Variants in CIT observed in about 807,000 individuals in gnomAD.
CIT encodes the protein citron rho-interacting serine/threonine kinase.
A neutral mutation model predicts 272.7 loss-of-function variants in CIT; 79 were observed. That is an observed-to-expected ratio of 0.29 (90% CI 0.24 to 0.35). The LOEUF (loss-of-function observed/expected upper bound fraction) is 0.35, where lower values mean the gene tolerates loss of function less well. Ranked by LOEUF, CIT falls within the 10% of genes least tolerant of loss-of-function variation. CIT has a pLI of 1.00. For synonymous variants in CIT, 948 were observed against 995.6 expected (o/e 0.95, Z 0.90); for missense variants, 1,909 against 2,618.3 (o/e 0.73, Z 5.91).
intron 16 of CIT, among the ~76,000 whole-genome samples, chr12:119,775,362 C>G (rs1024155895): frequency 1.3e-5 from 2 of 152,214 alleles, no homozygotes; most frequent in Non-Finnish European, 2.9e-5. Flanking sequence ...ACCAAATCCA[C>G]GCCCCTTCCC....
intron 3 of CIT, 60 bp downstream of exon 3, chr12:119,869,000 A>C: frequency 1.9e-6 from 3 of 1,590,834 alleles, no homozygotes; most frequent in Non-Finnish European, 2.6e-6. Context: ...TTCTGCCTCA[A>C]GCATCTTTCT....
chr12:119,712,715 G>A lies in CIT; in HGVS notation c.4580-20C>T, dbSNP rs374641138. The A allele has an allele frequency of 6.9e-6, 11 of 1,599,018 alleles. No individual in the cohort carries two copies. Among genetic ancestry groups the A allele is most frequent in the Admixed American group, 1.7e-5 (1 of 59,876 alleles). On this transcript the variant is annotated intron_variant, in intron 35 of 47. Transcript: ENST00000392521. This position sits in a 1 kb window ranked among gnomAD's most constrained non-coding sequence, Gnocchi z 5.2. ...GTCCAGCTTGGTGCAAAGAGGAAGG[G>A]CAGAAAGAAAAACAAAAGAACAGGA...
intron 24 of CIT, 123 bp from the exon 25 acceptor site, chr12:119,735,480 T>G: frequency 1.1e-6 from 1 of 903,698 alleles, no homozygotes; most frequent in Non-Finnish European, 1.8e-6. Context: ...CTCATGAGTT[T>G]GCCCACCTGA....
chr12:119,862,955 A>C (rs1428691543), intron 3 of CIT, among the ~76,000 whole-genome samples: 1 of 148,896 alleles, frequency 6.7e-6, no homozygotes, highest in Non-Finnish European at 1.5e-5. Flanking sequence ...TAATCTCAGC[A>C]CTTTGGGAAA....
Position 119,757,483 on chromosome 12 carries a change from G to A in CIT, c.2594C>T (p.Ala865Val). Residue 865 changes from alanine to valine, a missense_variant, in exon 22 of 48, where the codon GCT becomes GTT. This residue lies in a region of CIT where 530 missense variants were observed against 822.4 expected (regional missense o/e 0.64). Transcript: ENST00000392521. ...TCGGTTCTGGGCCTCCAACTTCCCA[G>A]CCTGTGTCTCCAGGTAAAATTTCTG... is the stretch of plus-strand genomic sequence containing the variant. ...RQQKFYLETQ[A>V]GKLEAQNRKL... is the part of the protein sequence containing the mutation. 1 of 1,614,156 alleles carries A rather than the reference G, an allele frequency of 6.2e-7. No individual in the cohort carries two copies.
intron 28 of CIT, among the ~76,000 whole-genome samples, chr12:119,726,083 G>A (rs558574703): frequency 4.6e-5 from 7 of 151,726 alleles, no homozygotes; most frequent in Admixed American, 2.6e-4. Flanking sequence ...CAAAATACAC[G>A]ACATAAAATT....
At chr12:119,689,714 G>C (rs1464113715) in intron 47 of CIT, among the ~76,000 whole-genome samples, 2 of 111,412 alleles carry the variant, frequency 1.8e-5, no homozygotes, top group Non-Finnish European at 3.3e-5. Context: ...GTCTCGCTCT[G>C]TCACCCAGGC....
chr12:119,868,998 C>T, intron 3 of CIT, 62 bp downstream of exon 3: 1 of 1,588,458 alleles, frequency 6.3e-7, no homozygotes. Flanking sequence ...CATTCTGCCT[C>T]AAGCATCTTT....
In CIT at chr12:119,804,047, C is replaced by T; in HGVS notation, c.1112-658G>A. The T allele has an allele frequency of 2.1e-6, 1 of 468,248 alleles. No individual in the cohort carries two copies. The highest frequency in any genetic ancestry group is 2.8e-6 in the Non-Finnish European group (1 of 357,662). The allele number at this position is 468,248 out of a possible 1,614,324, so 29.0% of individuals were successfully genotyped here. On this transcript the variant is annotated intron_variant, in intron 9 of 47. Coordinates refer to ENST00000392521, the MANE Select transcript of CIT (RefSeq NM_001206999.2). The surrounding 1 kb of genome is among the most constrained non-coding windows in gnomAD (Gnocchi z 5.3). The stretch of plus-strand genomic sequence containing the variant: ...CCAGCGCAATCATGCCCATCAAATC[C>T]ACTGCAGTTTAATCAGCATAATGAA...
rs760676713 is a variant in CIT at position 119,708,322 on chromosome 12, A to C, written c.5072-4T>G. 6.3e-7 allele frequency: 1 copy of C among 1,578,212 alleles called. No individual in the cohort carries two copies. The highest frequency in any genetic ancestry group is 1.4e-5 in the African/African-American group (1 of 73,266). On this transcript the variant is annotated splice_region_variant and splice_polypyrimidine_tract_variant and intron_variant, in intron 39 of 47. Coordinates refer to ENST00000392521, the MANE Select transcript of CIT (RefSeq NM_001206999.2). The stretch of plus-strand genomic sequence containing the variant: ...AGACACAGTGCCCGCTCTTCTCCTG[A>C]ACAGGAAAAGGAACAACCTCTCGTC...
At chr12:119,689,663 G>A (rs1955805291) in intron 47 of CIT, among the ~76,000 whole-genome samples, 1 of 103,630 alleles carries the variant, frequency 9.6e-6, no homozygotes, top group Admixed American at 1.2e-4. Context: ...TGCTTAGGAA[G>A]CTCTTTTTTT....
chr12:119,828,447 T>G (rs992441587), intron 7 of CIT, among the ~76,000 whole-genome samples: 1 of 151,660 alleles, frequency 6.6e-6, no homozygotes, highest in African/African-American at 2.4e-5. Context: ...GCTTTCACTC[T>G]CCTCTGGTGG....
In CIT at chr12:119,711,090, G is replaced by T. The variant is rs778012604; in HGVS notation, c.4855-470C>A. The T allele has an allele frequency of 9.5e-6, 13 of 1,366,470 alleles. No homozygotes were observed. In the South Asian group the frequency reaches 1.1e-4, roughly 12 times the overall value. The allele number at this position is 1,366,470 out of a possible 1,614,324, so 84.6% of individuals were successfully genotyped here. A position where few individuals can be genotyped will look rare whatever the true frequency, so the allele number is the denominator to read the frequency against. On this transcript the variant is annotated intron_variant, in intron 37 of 47. Coordinates refer to ENST00000392521, the MANE Select transcript of CIT (RefSeq NM_001206999.2). The stretch of plus-strand genomic sequence containing the variant: ...AGAAGCTCGTAAGAAACACAGTCGC[G>T]GGCCTATTGTACACATATTAACAAG...
intron 41 of CIT, among the ~76,000 whole-genome samples, chr12:119,702,403 A>T (rs1956641146): frequency 6.6e-6 from 1 of 152,170 alleles, no homozygotes. Flanking sequence ...ACACCATTCC[A>T]GGCTGGGCGC....
At chr12:119,757,643 T>C in intron 21 of CIT, 98 bp from the exon 22 acceptor site, 1 of 1,454,346 alleles carries the variant, frequency 6.9e-7, no homozygotes, top group Non-Finnish European at 9.4e-7. Flanking sequence ...TAGACATGTC[T>C]CCTCACTAAG....
At chr12:119,842,432 G>A (rs1250319885) in intron 5 of CIT, among the ~76,000 whole-genome samples, 2 of 149,504 alleles carry the variant, frequency 1.3e-5, no homozygotes, top group Non-Finnish European at 3.0e-5. Context: ...GTGGTGGGAT[G>A]CAAAACTATG....
At chr12:119,856,612 A>G (rs1437125393) in intron 4 of CIT, among the ~76,000 whole-genome samples, 1 of 151,816 alleles carries the variant, frequency 6.6e-6, no homozygotes, top group Non-Finnish European at 1.5e-5. Context: ...CTTCTACCCA[A>G]CATGTTCTCA....
At chr12:119,868,948 T>C (rs1311852208) in intron 3 of CIT, 112 bp downstream of exon 3, 41 of 1,301,534 alleles carry the variant, frequency 3.2e-5, no homozygotes, top group Non-Finnish European at 3.8e-5. Flanking sequence ...CTGTCTTATA[T>C]AGAACCAGAG....
Position 119,697,543 on chromosome 12 carries a change from T to G in CIT, c.5882+116A>C. On this transcript the variant is annotated intron_variant, in intron 46 of 47. Transcript: ENST00000392521. The surrounding 1 kb of genome is among the most constrained non-coding windows in gnomAD (Gnocchi z 4.9). ...GCAGATCGCAAACAAATGAATGGTT[T>G]GAGCTTAAGAACAAAGTGAAGATTG... is the stretch of plus-strand genomic sequence containing the variant. 4.8e-5 allele frequency: 53 copies of G among 1,103,704 alleles called. No homozygotes were observed. The highest frequency in any genetic ancestry group is 6.0e-5 in the Non-Finnish European group (46 of 766,336). 68.4% of individuals were successfully genotyped at this position (1,103,704 alleles called of 1,614,324 possible).
Sources: gnomAD v4.1 joint callset for allele counts (sites outside exome capture counted in the v4.1 genomes callset) on GRCh38, gnomAD v4.1.1 for gene constraint, gnomAD v4.1.1 regional missense constraint, Gnocchi (gnomAD v3.1) non-coding constraint, MANE v1.5 for transcripts, NCBI Gene and HGNC (gene_info 2026-07-23, HGNC 2026-07-21) for gene names.